Variants in UTY observed in about 807,000 individuals in gnomAD.
UTY encodes ubiquitously transcribed tetratricopeptide repeat containing, Y-linked, also known as histone demethylase UTY.
Under a neutral mutation model 32.5 loss-of-function variants are expected in UTY, and 12 were observed. That is an observed-to-expected ratio of 0.37 (90% CI 0.24 to 0.60). The LOEUF (loss-of-function observed/expected upper bound fraction) is 0.60, where lower values mean the gene tolerates loss of function less well. Among genes scored for constraint, UTY ranks in the 20% least tolerant of loss-of-function variants. UTY has a pLI of 0.69. For synonymous variants in UTY, 131 were observed against 103.4 expected (o/e 1.27, Z -1.62); for missense variants, 303 against 299.2 (o/e 1.01, Z -0.09).
chrY:13,344,813 A>C, intron 17 of UTY, among the ~76,000 whole-genome samples: 2 of 33,142 alleles, frequency 6.0e-5, no homozygotes, highest in Non-Finnish European at 7.4e-5. Flanking sequence ...TCTAAGGTGA[A>C]ATCAGGAGCT....
chrY:13,262,713 G>A (rs766532803), intron 27 of UTY, among the ~76,000 whole-genome samples: 1 of 30,739 alleles, frequency 3.3e-5, no homozygotes, highest in Non-Finnish European at 7.8e-5. Context: ...ACAGGTGCCC[G>A]CCACCATGCC....
intron 21 of UTY, among the ~76,000 whole-genome samples, chrY:13,315,415 C>T: frequency 8.9e-5 from 3 of 33,860 alleles, no homozygotes; most frequent in African/African-American, 3.5e-4. Context: ...TTGAGACCAA[C>T]TTGACCAACG....
chrY:13,241,336 A>C lies in UTY; in HGVS notation c.*1477-6510T>G, dbSNP rs201803437. Among the ~76,000 whole-genome samples, 65 of 33,404 alleles carry C rather than the reference A, an allele frequency of 1.9e-3. No individual in the cohort carries two copies. The East Asian group carries it at 0.048, about 25-fold the overall frequency. 89.6% of individuals were successfully genotyped at this position (33,404 alleles called of 37,273 possible). A position where few individuals can be genotyped will look rare whatever the true frequency, so the allele number is the denominator to read the frequency against. On this transcript the variant is annotated intron_variant and NMD_transcript_variant, in intron 28 of 28. Coordinates refer to the UTY transcript ENST00000682112. ...AATTTAAATGAATGAAAATGGAAAC[A>C]ACACACCAAAATATATATATATAAC...
chrY:13,331,633 C>T (rs2060701090), intron 18 of UTY, among the ~76,000 whole-genome samples: 1 of 33,618 alleles, frequency 3.0e-5, no homozygotes, highest in South Asian at 6.6e-4. Flanking sequence ...TAATAACAAA[C>T]TCATCTGAGC....
chrY:13,264,963 T>C, intron 27 of UTY, among the ~76,000 whole-genome samples: 8 of 33,658 alleles, frequency 2.4e-4, no homozygotes, highest in African/African-American at 9.4e-4. Flanking sequence ...TGCATATGGC[T>C]AGCCAGTTTT....
intron 27 of UTY, chrY:13,287,175 GA>G: frequency 2.6e-6 from 1 of 380,509 alleles, no homozygotes; most frequent in Non-Finnish European, 3.7e-6. Flanking sequence ...CAGCTTCCTA[GA>G]AAAAAAAGTG....
chrY:13,257,287 C>T, intron 28 of UTY, among the ~76,000 whole-genome samples: 1 of 33,634 alleles, frequency 3.0e-5, no homozygotes, highest in Non-Finnish European at 7.4e-5. Context: ...TCTACTACAA[C>T]AATAATGCCC....
chrY:13,425,202 T>C (rs989721240), intron 4 of UTY, among the ~76,000 whole-genome samples: 3 of 34,051 alleles, frequency 8.8e-5, no homozygotes, highest in Admixed American at 7.9e-4. Flanking sequence ...GGAAAATCAT[T>C]GTTTTAGACT....
intron 17 of UTY, among the ~76,000 whole-genome samples, chrY:13,337,943 T>C: frequency 6.3e-5 from 2 of 31,946 alleles, no homozygotes; most frequent in Non-Finnish European, 1.5e-4. Flanking sequence ...AAAAATTCTA[T>C]TATAAAATAT....
chrY:13,269,552 A>AAAAACAAAAC (rs768833349), intron 27 of UTY, among the ~76,000 whole-genome samples: 223 of 24,393 alleles, frequency 9.1e-3, no homozygotes, highest in African/African-American at 0.017. Flanking sequence ...TGTGGGCATG[A>AAAAACAAAAC]AAAACAAAAC....
At chrY:13,363,841 T>C in intron 10 of UTY, among the ~76,000 whole-genome samples, 1 of 33,468 alleles carries the variant, frequency 3.0e-5, no homozygotes, top group East Asian at 7.7e-4. Flanking sequence ...AACTATTGCA[T>C]TGAGTAATAA....
intron 7 of UTY, among the ~76,000 whole-genome samples, chrY:13,395,050 A>G: frequency 3.0e-5 from 1 of 33,542 alleles, no homozygotes; most frequent in African/African-American, 1.2e-4. Context: ...ACTAAAATCA[A>G]ACAAACTTTC....
At chrY:13,252,628 G>A in intron 28 of UTY, among the ~76,000 whole-genome samples, 2 of 33,972 alleles carry the variant, frequency 5.9e-5, no homozygotes, top group African/African-American at 1.2e-4. Flanking sequence ...TGGCCATTAC[G>A]CCCATGCTGG....
chrY:13,377,971 G>A, intron 8 of UTY, among the ~76,000 whole-genome samples: 4 of 32,760 alleles, frequency 1.2e-4, no homozygotes, highest in Non-Finnish European at 3.0e-4. Context: ...TAAAAATCGA[G>A]TTCTTCAAAA....
chrY:13,415,799 T>C, intron 4 of UTY, among the ~76,000 whole-genome samples: 5 of 33,913 alleles, frequency 1.5e-4, no homozygotes, highest in Admixed American at 5.3e-4. Flanking sequence ...ATTCCTGTCA[T>C]TGAGATGTAT....
chrY:13,244,521 T>C (rs772204029), downstream of UTY, among the ~76,000 whole-genome samples: 3 of 32,584 alleles, frequency 9.2e-5, no homozygotes, highest in African/African-American at 3.6e-4. Flanking sequence ...CCCATATATA[T>C]GGGAAATATT....
chrY:13,374,196 C>T (rs2065189288), intron 8 of UTY, among the ~76,000 whole-genome samples: 1 of 33,062 alleles, frequency 3.0e-5, no homozygotes, highest in South Asian at 6.7e-4. Context: ...TTACCACCAG[C>T]TAATTTTTGT....
At chrY:13,237,329 A>G in intron 28 of UTY, among the ~76,000 whole-genome samples, 1 of 33,990 alleles carries the variant, frequency 2.9e-5, no homozygotes, top group South Asian at 6.6e-4. Flanking sequence ...GCTTTCTCCA[A>G]TAAGAGAACC....
At chrY:13,385,255 C>A in intron 8 of UTY, among the ~76,000 whole-genome samples, 1 of 32,672 alleles carries the variant, frequency 3.1e-5, no homozygotes, top group East Asian at 7.8e-4. Context: ...GAAATATATA[C>A]AAGATCTATA....
Sources: allele counts gnomAD v4.1 joint callset (sites outside exome capture counted in the v4.1 genomes callset), GRCh38; gene constraint gnomAD v4.1.1; transcripts MANE v1.5; gene names NCBI Gene and HGNC (gene_info 2026-07-23, HGNC 2026-07-21).